OSBPL10: variants seen among roughly 807,000 people sequenced by gnomAD.
OSBPL10 encodes the protein oxysterol-binding protein-related protein 10.
A neutral mutation model predicts 81.7 loss-of-function variants in OSBPL10; 49 were observed. The observed-to-expected ratio is 0.60, with a 90% CI of 0.48 to 0.76. The LOEUF (loss-of-function observed/expected upper bound fraction) is 0.76, where lower values mean the gene tolerates loss of function less well. Ranked by LOEUF, OSBPL10 falls within the 30% of genes least tolerant of loss-of-function variation. The pLI, the probability that OSBPL10 is intolerant of heterozygous loss-of-function variation, is 0.00. For missense variants in OSBPL10, 923 were observed against 987.8 expected (o/e 0.93, Z 0.88); for synonymous variants, 419 against 383.6 (o/e 1.09, Z -1.08).
chr3:32,004,520 T>A (rs899099650), intron 2 of OSBPL10, among the ~76,000 whole-genome samples: 1 of 152,234 alleles, frequency 6.6e-6, no homozygotes, highest in Non-Finnish European at 1.5e-5. Context: ...CTTTTCAATT[T>A]TGAGCCTTCA....
chr3:31,967,473 C>T (rs781570814), intron 1 of OSBPL10, among the ~76,000 whole-genome samples: 7 of 146,812 alleles, frequency 4.8e-5, no homozygotes, highest in Non-Finnish European at 8.9e-5. Flanking sequence ...GAGCAACACC[C>T]TGTCTCAAAA....
At chr3:32,038,467 G>A (rs546542256) in intron 2 of OSBPL10, among the ~76,000 whole-genome samples, 25 of 152,222 alleles carry the variant, frequency 1.6e-4, no homozygotes, top group Admixed American at 7.9e-4. Flanking sequence ...GATTACAGGC[G>A]TGTGCCACCA....
intron 6 of OSBPL10, chr3:31,707,465 T>C (rs937861105): frequency 2.6e-5 from 4 of 152,248 alleles, no homozygotes; most frequent in Admixed American, 2.6e-4. Context: ...GTTCAATCAT[T>C]TTTAAAGCCT....
At chr3:31,792,012 G>A (rs140374338) in intron 4 of OSBPL10, among the ~76,000 whole-genome samples, 50 of 152,254 alleles carry the variant, frequency 3.3e-4, no homozygotes, top group African/African-American at 1.1e-3. Flanking sequence ...TTGGGAGGCC[G>A]AGGTGGGAGG....
intron 8 of OSBPL10, among the ~76,000 whole-genome samples, chr3:31,674,485 G>A (rs61062218): frequency 0.021 from 3,216 of 152,122 alleles, 185 homozygotes; most frequent in East Asian, 0.2. Flanking sequence ...ACTTGAGCCC[G>A]GGAGGTCGAG....
intron 1 of OSBPL10, among the ~76,000 whole-genome samples, chr3:31,913,540 G>C (rs889992960): frequency 6.6e-6 from 1 of 152,060 alleles, no homozygotes; most frequent in Non-Finnish European, 1.5e-5. Flanking sequence ...GAGCCACCAC[G>C]CCCGGCCCAA....
chr3:31,816,829 C>T (rs1346007560), intron 4 of OSBPL10, among the ~76,000 whole-genome samples: 1 of 152,112 alleles, frequency 6.6e-6, no homozygotes, highest in Non-Finnish European at 1.5e-5. Context: ...CAGTTCTCTG[C>T]AGAGAGAAGG....
Position 31,932,909 on chromosome 3 carries a change from A to G in OSBPL10, c.281+47990T>C, listed in dbSNP as rs184675661. Among the ~76,000 whole-genome samples the G allele has an allele frequency of 1.5e-3, 224 of 152,272 alleles. 2 individuals carry two copies. The highest frequency in any genetic ancestry group is 1.0e-3 in the Non-Finnish European group (68 of 68,014). Reference sequence around the variant, plus strand: ...TTCTTATTTATGGTGGCAGTTTCATAAGACATACATTTGTCAAAACTCATT... The same window carrying G: ...TTCTTATTTATGGTGGCAGTTTCATGAGACATACATTTGTCAAAACTCATT... On this transcript the variant is annotated intron_variant, in intron 1 of 11. Coordinates refer to ENST00000396556, the MANE Select transcript of OSBPL10 (RefSeq NM_017784.5).
intron 1 of OSBPL10, among the ~76,000 whole-genome samples, chr3:32,068,619 T>C (rs1349868835): frequency 2.0e-5 from 3 of 152,280 alleles, no homozygotes; most frequent in South Asian, 4.2e-4. Flanking sequence ...ACAATGGTTC[T>C]AAATGGCCAG....
chr3:31,766,655 C>A (rs1320223213), intron 4 of OSBPL10, among the ~76,000 whole-genome samples: 2 of 152,058 alleles, frequency 1.3e-5, no homozygotes, highest in African/African-American at 4.8e-5. Context: ...AGAATTCTGA[C>A]ATTCATGAGC....
chr3:31,888,084 C>T (rs1002546174), intron 1 of OSBPL10, among the ~76,000 whole-genome samples: 3 of 152,142 alleles, frequency 2.0e-5, no homozygotes, highest in Non-Finnish European at 4.4e-5. Flanking sequence ...TACTACAAAG[C>T]TGTAGTATCC....
intron 2 of OSBPL10, among the ~76,000 whole-genome samples, chr3:32,035,166 A>G (rs1306023662): frequency 6.6e-6 from 1 of 152,164 alleles, no homozygotes; most frequent in Non-Finnish European, 1.5e-5. Context: ...GTCTGAGCCT[A>G]CTCTGGTTTG....
chr3:32,011,532 G>C (rs1234069599), intron 2 of OSBPL10, among the ~76,000 whole-genome samples: 2 of 152,204 alleles, frequency 1.3e-5, no homozygotes, highest in Non-Finnish European at 2.9e-5. Context: ...AAATCAGAGA[G>C]CCTCTCCTCC....
chr3:31,898,570 C>A (rs1302753000), intron 1 of OSBPL10, among the ~76,000 whole-genome samples: 2 of 136,198 alleles, frequency 1.5e-5, no homozygotes, highest in South Asian at 2.5e-4. Context: ...CATAGCAAGA[C>A]CCTGTCTCTT....
chr3:31,749,436 G>T (rs1420025086), intron 4 of OSBPL10, among the ~76,000 whole-genome samples: 1 of 152,186 alleles, frequency 6.6e-6, no homozygotes, highest in Non-Finnish European at 1.5e-5. Flanking sequence ...GATTACAGAG[G>T]ATCTACCTAG....
intron 4 of OSBPL10, among the ~76,000 whole-genome samples, chr3:31,806,631 A>AT (rs1699528905): frequency 6.6e-6 from 1 of 152,230 alleles, no homozygotes; most frequent in African/African-American, 2.4e-5. Flanking sequence ...TAAAGACATA[A>AT]TACAATGTCA....
chr3:31,849,896 G>A (rs1164057824), intron 3 of OSBPL10, among the ~76,000 whole-genome samples: 2 of 152,122 alleles, frequency 1.3e-5, no homozygotes, highest in South Asian at 2.1e-4. Flanking sequence ...CAGGCATGCC[G>A]GCTCACACCT....
chr3:31,992,521 G>T (rs1303578451), intron 2 of OSBPL10, among the ~76,000 whole-genome samples: 1 of 152,052 alleles, frequency 6.6e-6, no homozygotes, highest in Non-Finnish European at 1.5e-5. Flanking sequence ...ACATTCCTTG[G>T]TTCCTGGTTT....
At chr3:31,971,004 C>A (rs1331840547) in intron 1 of OSBPL10, among the ~76,000 whole-genome samples, 1 of 152,212 alleles carries the variant, frequency 6.6e-6, no homozygotes, top group East Asian at 1.9e-4. Flanking sequence ...TCTTCCTCCA[C>A]CTGCGACTTC....
Sources: gnomAD v4.1 joint callset for allele counts (sites outside exome capture counted in the v4.1 genomes callset) on GRCh38, gnomAD v4.1.1 for gene constraint, MANE v1.5 for transcripts, NCBI Gene and HGNC (gene_info 2026-07-23, HGNC 2026-07-21) for gene names.